COL4A3: variants seen among roughly 807,000 people sequenced by gnomAD.
The protein encoded by COL4A3 is collagen alpha-3(IV) chain.
Under a neutral mutation model 217.4 loss-of-function variants are expected in COL4A3, and 135 were observed. The ratio of observed to expected loss-of-function variants is 0.62; its 90% CI spans 0.54 to 0.72. COL4A3 has a LOEUF of 0.72. Among genes scored for constraint, COL4A3 ranks in the 30% least tolerant of loss-of-function variants. The pLI, the probability that COL4A3 is intolerant of heterozygous loss-of-function variation, is 0.00. For synonymous variants in COL4A3, 690 were observed against 736.3 expected, an observed-to-expected ratio of 0.94 and a Z score of 1.02; for missense variants, 1,868 against 2,119.9, an observed-to-expected ratio of 0.88 and a Z score of 2.33.
chr2:227,275,705 A>C (rs966328449), intron 26 of COL4A3, among the ~76,000 whole-genome samples: 1 of 152,218 alleles, frequency 6.6e-6, no homozygotes, highest in Non-Finnish European at 1.5e-5. Context: ...CCCCCGCGAC[A>C]GATGAGGAAC....
chr2:227,215,830 C>CAT (rs2067509853), intron 1 of COL4A3, among the ~76,000 whole-genome samples: 1 of 152,146 alleles, frequency 6.6e-6, no homozygotes, highest in Non-Finnish European at 1.5e-5. Flanking sequence ...GGCAGTGTAT[C>CAT]ATAGCCTTAG....
At chr2:227,188,704 C>A (rs2066123212) in intron 1 of COL4A3, among the ~76,000 whole-genome samples, 1 of 152,182 alleles carries the variant, frequency 6.6e-6, no homozygotes, top group Non-Finnish European at 1.5e-5. Context: ...ATAACTTTTT[C>A]ACTGACATGT....
chr2:227,289,116 A>G (rs1422424702), intron 34 of COL4A3, 34 bp from the exon 35 acceptor site: 4 of 1,568,806 alleles, frequency 2.5e-6, no homozygotes, highest in Non-Finnish European at 3.5e-6. Context: ...ACACCTGGCT[A>G]ATTTTCTTGT....
At chr2:227,192,086 G>A (rs1469865851) in intron 1 of COL4A3, among the ~76,000 whole-genome samples, 1 of 152,194 alleles carries the variant, frequency 6.6e-6, no homozygotes, top group Non-Finnish European at 1.5e-5. Context: ...CTGTGCTCAA[G>A]TATTCATTTT....
rs753389694 is a variant in COL4A3, at chr2:227,294,955, T to C, written c.3419-9T>C. On this transcript the variant is annotated splice_polypyrimidine_tract_variant and intron_variant, in intron 39 of 51. Transcript: ENST00000396578. ...TTTGGGGTTTTTGGGTTTTTTTTTTTTTTTTCAGGTCTTCCAGGATTTCCA... is the reference window on the plus strand; with the variant it reads ...TTTGGGGTTTTTGGGTTTTTTTTTTCTTTTTCAGGTCTTCCAGGATTTCCA... The C allele has an allele frequency of 1.2e-6, 2 of 1,607,612 alleles. No individual in the cohort carries two copies. The highest frequency in any genetic ancestry group is 4.5e-5 in the East Asian group (2 of 44,848).
chr2:227,197,285 C>T (rs2066518400), intron 1 of COL4A3, among the ~76,000 whole-genome samples: 2 of 152,062 alleles, frequency 1.3e-5, no homozygotes, highest in East Asian at 1.9e-4. Context: ...GGCACAATCT[C>T]AGCTCGCTGC....
chr2:227,249,230 A>ATTTTTTTTTTTT lies in COL4A3; in HGVS notation c.546+722_546+733dup, dbSNP rs1247683938. ...TTAGCTAGTATATATATATATATAT[A>ATTTTTTTTTTTT]TTTTTTTTTTTTTTTTTTTTTTTGA... On this transcript the variant is annotated intron_variant, in intron 9 of 51. Transcript: ENST00000396578. Among the ~76,000 whole-genome samples the ATTTTTTTTTTTT allele has an allele frequency of 7.5e-4, 11 of 14,688 alleles. 2 individuals carry two copies. The highest frequency in any genetic ancestry group is 1.1e-3 in the African/African-American group (4 of 3,764). 9.6% of individuals were successfully genotyped at this position (14,688 alleles called of 152,430 possible).
intron 1 of COL4A3, among the ~76,000 whole-genome samples, chr2:227,220,134 T>TTGTGTGTGTG (rs1359850522): frequency 2.0e-5 from 2 of 98,260 alleles, no homozygotes; most frequent in African/African-American, 3.8e-5. Context: ...TAAGGCGGTT[T>TTGTGTGTGTG]TATGTGTGTG....
intron 1 of COL4A3, among the ~76,000 whole-genome samples, chr2:227,180,663 TTC>T (rs1435295038): frequency 2.6e-5 from 4 of 152,172 alleles, no homozygotes; most frequent in African/African-American, 9.7e-5. Context: ...CAAATTCAGT[TTC>T]TGTTTCCTGA....
rs1336884185 is a variant in COL4A3, at chr2:227,313,804, T to A, written c.*1934T>A. On this transcript the variant is annotated 3_prime_UTR_variant, in exon 52 of 52. Coordinates refer to ENST00000396578, the MANE Select transcript of COL4A3 (RefSeq NM_000091.5). ...AGTGTACTATAGCGGCATATAGAGC[T>A]AGCTAATCTCTACAAACCCTCTGTA... The A allele has an allele frequency of 1.3e-5, 2 of 152,260 alleles. No individual in the cohort carries two copies. Among genetic ancestry groups the A allele is most frequent in the Non-Finnish European group, 2.9e-5 (2 of 68,048 alleles). The allele number at this position is 152,260 out of a possible 1,614,324, so 9.4% of individuals were successfully genotyped here. A position where few individuals can be genotyped will look rare whatever the true frequency, so the allele number is the denominator to read the frequency against.
intron 44 of COL4A3, 117 bp from the exon 45 acceptor site, chr2:227,303,742 A>G: frequency 9.9e-7 from 1 of 1,007,424 alleles, no homozygotes; most frequent in Non-Finnish European, 1.6e-6. Context: ...CAGAACCCAT[A>G]GGACAGAGCC....
intron 1 of COL4A3, chr2:227,227,896 T>C (rs2068184258): frequency 1.4e-5 from 2 of 145,196 alleles, no homozygotes; most frequent in Non-Finnish European, 3.1e-5. Flanking sequence ...TCAAAACCTT[T>C]TAGGGGGTAA....
intron 1 of COL4A3, among the ~76,000 whole-genome samples, chr2:227,204,067 A>C (rs13421110): frequency 0.25 from 37,748 of 151,904 alleles, 5,108 homozygotes; most frequent in Non-Finnish European, 0.3. Context: ...TGCTGACATT[A>C]AATGAACAGC....
intron 1 of COL4A3, among the ~76,000 whole-genome samples, chr2:227,202,617 C>T (rs934914774): frequency 1.3e-5 from 2 of 150,916 alleles, no homozygotes; most frequent in Non-Finnish European, 3.0e-5. Flanking sequence ...CACCTGTAGT[C>T]CCAGCTACTC....
chr2:227,303,546 A>G lies in COL4A3; in HGVS notation c.3956-313A>G, dbSNP rs2073379956. 2.0e-5 allele frequency among the ~76,000 whole-genome samples: 3 copies of G among 152,190 alleles called. No homozygotes were observed. In the South Asian group the frequency reaches 6.2e-4, roughly 32 times the overall value. ...AATGTGACTTTGTATGTTACCGTAA[A>G]TATCAAATTGGTTTCTGAACTCAAA... On this transcript the variant is annotated intron_variant, in intron 44 of 51. Coordinates refer to ENST00000396578, the MANE Select transcript of COL4A3 (RefSeq NM_000091.5).
chr2:227,195,151 G>A (rs1370924694), intron 1 of COL4A3, among the ~76,000 whole-genome samples: 1 of 152,024 alleles, frequency 6.6e-6, no homozygotes, highest in East Asian at 1.9e-4. Flanking sequence ...GAAAAATGAT[G>A]GGGTCCTAAC....
chr2:227,297,414 T>C (rs1207667725), intron 41 of COL4A3, among the ~76,000 whole-genome samples: 1 of 152,080 alleles, frequency 6.6e-6, no homozygotes, highest in African/African-American at 2.4e-5. Flanking sequence ...AATAAGAAAA[T>C]CAAAATTTGT....
At chr2:227,212,937 A>T (rs1034308475) in intron 1 of COL4A3, among the ~76,000 whole-genome samples, 1 of 152,224 alleles carries the variant, frequency 6.6e-6, no homozygotes, top group African/African-American at 2.4e-5. Context: ...GAGACTATAA[A>T]CCTGCTTAAA....
intron 1 of COL4A3, among the ~76,000 whole-genome samples, chr2:227,172,228 T>G (rs890453462): frequency 2.6e-5 from 4 of 152,320 alleles, no homozygotes; most frequent in Admixed American, 6.5e-5. Context: ...TCCCTGGCAC[T>G]GGCTGCAACC....
Sources: allele counts gnomAD v4.1 joint callset (sites outside exome capture counted in the v4.1 genomes callset), GRCh38; gene constraint gnomAD v4.1.1; transcripts MANE v1.5; gene names NCBI Gene and HGNC (gene_info 2026-07-23, HGNC 2026-07-21).